VRK1: variants seen among roughly 807,000 people sequenced by gnomAD.
VRK1 encodes the protein serine/threonine-protein kinase VRK1.
In VRK1, 33 loss-of-function variants were observed where a neutral mutation model predicts 57.1. The observed-to-expected ratio is 0.58, with a 90% confidence interval of 0.44 to 0.77. The LOEUF is 0.77. Ranked by LOEUF, VRK1 falls within the 30% of genes least tolerant of loss-of-function variation. VRK1 has a pLI of 0.00. For missense variants in VRK1, 413 were observed against 477.3 expected (o/e 0.87, Z 1.25); for synonymous variants, 137 against 147.8 (o/e 0.93, Z 0.53).
At chr14:96,816,197 C>G (rs551259542) in intron 1 of VRK1, among the ~76,000 whole-genome samples, 31 of 152,230 alleles carry the variant, frequency 2.0e-4, no homozygotes, top group Admixed American at 1.5e-3. Context: ...AGAAGCCTCA[C>G]CGGTAGGCCA....
At chr14:96,842,502 G>A (rs1029924033) in intron 3 of VRK1, among the ~76,000 whole-genome samples, 1 of 152,128 alleles carries the variant, frequency 6.6e-6, no homozygotes, top group Non-Finnish European at 1.5e-5. Flanking sequence ...TCTATATATA[G>A]TATGAAGGTT....
At chr14:96,850,396 A>G (rs1887900934) in intron 5 of VRK1, among the ~76,000 whole-genome samples, 1 of 152,224 alleles carries the variant, frequency 6.6e-6, no homozygotes, top group South Asian at 2.1e-4. Flanking sequence ...AGAAAAGTAT[A>G]CATCAAAGGT....
chr14:96,813,416 G>T (rs1886278666), intron 1 of VRK1, among the ~76,000 whole-genome samples: 1 of 152,122 alleles, frequency 6.6e-6, no homozygotes, highest in South Asian at 2.1e-4. Flanking sequence ...CTAGAATCTA[G>T]AAGATAGTCT....
At chr14:96,800,882 AAATTT>A (rs1229446608) in intron 1 of VRK1, among the ~76,000 whole-genome samples, 1 of 152,128 alleles carries the variant, frequency 6.6e-6, no homozygotes, top group Non-Finnish European at 1.5e-5. Flanking sequence ...CAAGCAAATT[AAATTT>A]GAGATTTGGG....
At chr14:96,801,592 C>A (rs1327278684) in intron 1 of VRK1, among the ~76,000 whole-genome samples, 1 of 152,100 alleles carries the variant, frequency 6.6e-6, no homozygotes, top group African/African-American at 2.4e-5. Flanking sequence ...AGTGCTGACC[C>A]CCATGCAGTT....
Position 96,844,263 on chromosome 14 carries a change from G to C in VRK1, c.217-1832G>C, listed in dbSNP as rs145731270. On this transcript the variant is annotated intron_variant, in intron 3 of 12. Transcript: ENST00000216639. ...ATTGCTGCTAGGAAAGGAGCCATAG[G>C]TTATAGAGGAACTTGGGTACTGAGT... 3.6e-3 allele frequency among the ~76,000 whole-genome samples: 547 copies of C among 152,282 alleles called. 2 individuals carry two copies. The highest frequency in any genetic ancestry group is 0.013 in the African/African-American group (537 of 41,558).
intron 1 of VRK1, among the ~76,000 whole-genome samples, chr14:96,831,532 C>T (rs1887004261): frequency 1.3e-5 from 2 of 152,122 alleles, no homozygotes; most frequent in South Asian, 4.1e-4. Context: ...TAGTTGGCCA[C>T]AGAAATAAAA....
intron 9 of VRK1, 51 bp downstream of exon 9, chr14:96,856,301 T>G: frequency 6.3e-7 from 1 of 1,597,464 alleles, no homozygotes; most frequent in East Asian, 2.2e-5. Context: ...AGCCAAATGT[T>G]TTTAGTCACA....
chr14:96,823,870 T>C (rs965205966), intron 1 of VRK1, among the ~76,000 whole-genome samples: 3 of 152,232 alleles, frequency 2.0e-5, no homozygotes, highest in African/African-American at 7.2e-5. Context: ...CTTCTATTTT[T>C]CAAGGCTGAA....
At chr14:96,879,975 C>T (rs1433728552) in intron 12 of VRK1, among the ~76,000 whole-genome samples, 4 of 151,250 alleles carry the variant, frequency 2.6e-5, no homozygotes, top group African/African-American at 9.7e-5. Flanking sequence ...AAATAAAAAC[C>T]TAAAAATCTA....
rs185235451 is a variant in VRK1 at position 96,835,580 on chromosome 14, C to A, written c.160+1949C>A. On this transcript the variant is annotated intron_variant, in intron 2 of 12. Coordinates refer to ENST00000216639, the MANE Select transcript of VRK1 (RefSeq NM_003384.3). Reference sequence around the variant, plus strand: ...GTAGCCACTGGCCTATAAGGGATCTCTACTTAGATGTTCCACAGGCATTTC... The same window carrying A: ...GTAGCCACTGGCCTATAAGGGATCTATACTTAGATGTTCCACAGGCATTTC... 2.0e-5 allele frequency among the ~76,000 whole-genome samples: 3 copies of A among 152,286 alleles called. No individual in the cohort carries two copies. The East Asian group carries it at 5.8e-4, about 29-fold the overall frequency.
In VRK1 at chr14:96,881,283, T is replaced by G. The variant is rs774032391; in HGVS notation, c.*75T>G. ...TTTCTCCTTTTCTATTTGAACTGTT[T>G]TATTTTCCTGTGAGTCTTGCGAGGT... On this transcript the variant is annotated 3_prime_UTR_variant, in exon 13 of 13. Coordinates refer to ENST00000216639, the MANE Select transcript of VRK1 (RefSeq NM_003384.3). 2.2e-6 allele frequency: 3 copies of G among 1,389,268 alleles called. No homozygotes were observed. In the African/African-American group the frequency reaches 4.3e-5, roughly 20 times the overall value. The allele number at this position is 1,389,268 out of a possible 1,614,324, so 86.1% of individuals were successfully genotyped here. A position where few individuals can be genotyped will look rare whatever the true frequency, so the allele number is the denominator to read the frequency against.
chr14:96,844,413 C>A (rs1378276083), intron 3 of VRK1, among the ~76,000 whole-genome samples: 2 of 152,164 alleles, frequency 1.3e-5, no homozygotes, highest in African/African-American at 4.8e-5. Context: ...AGTATACTTA[C>A]CTGTAACAAA....
Position 96,878,025 on chromosome 14 carries a change from A to G in VRK1, c.1159+1905A>G, listed in dbSNP as rs536215172. On this transcript the variant is annotated intron_variant, in intron 12 of 12. Coordinates refer to ENST00000216639, the MANE Select transcript of VRK1 (RefSeq NM_003384.3). ...TTTTTTGACCTAACTTTTTCAGAAG[A>G]TAAAGAATAGTCAGATTCACCCTTA... Among the ~76,000 whole-genome samples the G allele has an allele frequency of 3.3e-5, 5 of 152,318 alleles. No homozygotes were observed. The East Asian group carries it at 9.6e-4, about 29-fold the overall frequency.
intron 11 of VRK1, among the ~76,000 whole-genome samples, chr14:96,864,553 T>A (rs935698288): frequency 1.1e-4 from 16 of 152,328 alleles, no homozygotes; most frequent in Non-Finnish European, 2.2e-4. Flanking sequence ...GTTGTGATAA[T>A]GCTGTTAAGA....
intron 9 of VRK1, 97 bp downstream of exon 9, chr14:96,856,347 G>A: frequency 6.8e-7 from 1 of 1,466,376 alleles, no homozygotes; most frequent in Non-Finnish European, 9.4e-7. Context: ...AACTGATACT[G>A]ATATAGAAAT....
At chr14:96,818,431 G>A (rs1335118534) in intron 1 of VRK1, among the ~76,000 whole-genome samples, 2 of 149,862 alleles carry the variant, frequency 1.3e-5, no homozygotes. Context: ...CTTTTTCAGA[G>A]TTAGAAACGT....
chr14:96,849,516 T>C (rs1230875275), intron 5 of VRK1, among the ~76,000 whole-genome samples: 2 of 152,222 alleles, frequency 1.3e-5, no homozygotes, highest in East Asian at 3.9e-4. Flanking sequence ...AGCACTAGAT[T>C]GATTGTACTT....
intron 1 of VRK1, among the ~76,000 whole-genome samples, chr14:96,829,294 G>T (rs2369902): frequency 0.047 from 7,078 of 151,352 alleles, 187 homozygotes; most frequent in Non-Finnish European, 0.063. Context: ...ATCCCTTGGT[G>T]AATATTAATT....
Sources: gnomAD v4.1 joint callset for allele counts (sites outside exome capture counted in the v4.1 genomes callset) on GRCh38, gnomAD v4.1.1 for gene constraint, MANE v1.5 for transcripts, NCBI Gene and HGNC (gene_info 2026-07-23, HGNC 2026-07-21) for gene names.